The following ADGRG6 variants were observed in gnomAD, a reference collection of about 807,000 sequenced individuals.
ADGRG6 encodes the protein G-protein coupled receptor 126.
Under a neutral mutation model 142.4 loss-of-function variants are expected in ADGRG6, and 84 were observed. The observed-to-expected ratio is 0.59, with a 90% confidence interval of 0.49 to 0.71. The LOEUF is 0.71. Among genes scored for constraint, ADGRG6 ranks in the 30% least tolerant of loss-of-function variants. The pLI, the probability that ADGRG6 is intolerant of heterozygous loss-of-function variation, is 0.00. For missense variants in ADGRG6, 1,367 were observed against 1,466.6 expected (o/e 0.93, Z 1.11); for synonymous variants, 521 against 520.5 (o/e 1.00, Z -0.01).
At chr6:142,404,554 G>T (rs928127212) in intron 14 of ADGRG6, among the ~76,000 whole-genome samples, 2 of 152,070 alleles carry the variant, frequency 1.3e-5, no homozygotes, top group Non-Finnish European at 2.9e-5. Flanking sequence ...TGAGGCACGA[G>T]AATCACTTGA....
Position 142,370,241 on chromosome 6 carries a change from A to G in ADGRG6, c.517A>G (p.Lys173Glu), listed in dbSNP as rs759740851. 1 of 1,612,298 alleles carries G rather than the reference A, an allele frequency of 6.2e-7. No homozygotes were observed. Residue 173 changes from lysine (K) to glutamate (E), a missense_variant, in exon 4 of 25, where the codon AAA becomes GAA. Coordinates refer to ENST00000367609, the MANE Select transcript of ADGRG6 (RefSeq NM_198569.3). ...AGATGCTTACCAGGTATCTGTTGCA[A>G]AAAGCATCTCTATTCCAGAGCTCAG... Reference protein sequence around the residue: ...TSDAYQVSVAKSISIPELSAF... With the variant: ...TSDAYQVSVAESISIPELSAF...
chr6:142,367,643 G>A lies in ADGRG6; in HGVS notation c.178G>A (p.Asp60Asn), dbSNP rs138992283. ...CTTTACTTCTCCATGCTACCCTAAC[G>A]ACTACCCAAACAGCCAGGCTTGCAT... ...GTFTSPCYPN[D>N]YPNSQACMWT... The change falls in exon 3 of 25, where the codon GAC becomes AAC. Residue 60 changes from aspartate to asparagine, a missense_variant. Transcript: ENST00000367609. 1.5e-4 allele frequency: 242 copies of A among 1,613,598 alleles called. 5 individuals carry two copies. The South Asian group carries it at 2.5e-3, about 17-fold the overall frequency.
At chr6:142,418,758 G>A (rs1256612553) in intron 21 of ADGRG6, among the ~76,000 whole-genome samples, 3 of 152,042 alleles carry the variant, frequency 2.0e-5, no homozygotes, top group Admixed American at 6.6e-5. Context: ...GTTCCAACAT[G>A]GAAGATATGG....
chr6:142,335,480 G>T (rs1413578355), intron 2 of ADGRG6, among the ~76,000 whole-genome samples: 2 of 152,174 alleles, frequency 1.3e-5, no homozygotes, highest in Non-Finnish European at 2.9e-5. Context: ...CAGTTCCTGG[G>T]AGGACAGAGC....
intron 2 of ADGRG6, among the ~76,000 whole-genome samples, chr6:142,318,285 ATT>A (rs1778321718): frequency 1.3e-5 from 1 of 79,582 alleles, no homozygotes; most frequent in Admixed American, 2.2e-4. Context: ...TATTATATAT[ATT>A]TATATATTAT....
intron 9 of ADGRG6, among the ~76,000 whole-genome samples, chr6:142,395,749 A>G (rs914811286): frequency 6.6e-6 from 1 of 152,074 alleles, no homozygotes; most frequent in Admixed American, 6.6e-5. Flanking sequence ...TCTATTCTCT[A>G]TGGCTCTTAC....
chr6:142,372,627 G>A (rs986599177), intron 4 of ADGRG6, among the ~76,000 whole-genome samples: 15 of 152,194 alleles, frequency 9.9e-5, no homozygotes, highest in Admixed American at 3.3e-4. Flanking sequence ...GAACTGCAGA[G>A]CTTTATAAGA....
At chr6:142,309,047 G>A (rs976438350) in intron 1 of ADGRG6, among the ~76,000 whole-genome samples, 1 of 151,412 alleles carries the variant, frequency 6.6e-6, no homozygotes, top group Admixed American at 6.6e-5. Context: ...ATCACTTTAG[G>A]GGATAGAACA....
intron 2 of ADGRG6, among the ~76,000 whole-genome samples, chr6:142,320,450 A>T (rs112355176): frequency 6.6e-5 from 10 of 152,236 alleles, no homozygotes; most frequent in African/African-American, 2.4e-4. Context: ...TAGCACTGCT[A>T]ACTTGACTCT....
intron 4 of ADGRG6, 57 bp from the exon 5 acceptor site, chr6:142,381,894 T>A (rs1251976090): frequency 9.4e-7 from 1 of 1,066,136 alleles, no homozygotes; most frequent in Non-Finnish European, 1.4e-6. Flanking sequence ...ATGATTTTTC[T>A]GGATAATATC....
At chr6:142,315,416 A>G (rs1336354639) in intron 2 of ADGRG6, among the ~76,000 whole-genome samples, 3 of 152,020 alleles carry the variant, frequency 2.0e-5, no homozygotes, top group Non-Finnish European at 4.4e-5. Flanking sequence ...AATATATTCC[A>G]GATGTAATGA....
At chr6:142,331,398 T>C (rs962835268) in intron 2 of ADGRG6, among the ~76,000 whole-genome samples, 2 of 152,150 alleles carry the variant, frequency 1.3e-5, no homozygotes, top group African/African-American at 4.8e-5. Flanking sequence ...TGTGAGGCTT[T>C]CTGTGATCTC....
intron 17 of ADGRG6, 75 bp downstream of exon 17, chr6:142,409,994 C>T (rs974421935): frequency 2.3e-5 from 14 of 619,954 alleles, no homozygotes; most frequent in African/African-American, 5.6e-5. Context: ...CCCCCATTTC[C>T]TTTAATTCCA....
At chr6:142,302,601 G>T in intron 1 of ADGRG6, 1 of 455,346 alleles carries the variant, frequency 2.2e-6, no homozygotes. Flanking sequence ...AGCCTAATAA[G>T]AAGGGCAGGG....
intron 24 of ADGRG6, among the ~76,000 whole-genome samples, chr6:142,440,575 C>T (rs942353258): frequency 1.9e-4 from 29 of 152,226 alleles, no homozygotes; most frequent in African/African-American, 6.3e-4. Flanking sequence ...GGATTACAGA[C>T]GTGAGCCACC....
At chr6:142,400,427 A>T in intron 10 of ADGRG6, 58 bp from the exon 11 acceptor site, 1 of 834,922 alleles carries the variant, frequency 1.2e-6, no homozygotes, top group South Asian at 1.5e-5. Context: ...TGCATCTCTA[A>T]TCTCTAACTT....
chr6:142,330,843 A>C (rs1223985195), intron 2 of ADGRG6, among the ~76,000 whole-genome samples: 1 of 152,054 alleles, frequency 6.6e-6, no homozygotes, highest in Non-Finnish European at 1.5e-5. Flanking sequence ...TGAAAAATTG[A>C]TTTTCAATTT....
intron 2 of ADGRG6, among the ~76,000 whole-genome samples, chr6:142,328,502 G>A (rs545547791): frequency 5.3e-5 from 8 of 152,234 alleles, no homozygotes; most frequent in African/African-American, 1.9e-4. Flanking sequence ...GGGCTGACCT[G>A]CTTATCCTTT....
chr6:142,367,778 G>C lies in ADGRG6; in HGVS notation c.313G>C (p.Glu105Gln). The change falls in exon 3 of 25, where the codon GAG becomes CAG. Residue 105 changes from glutamate (E) to glutamine (Q), a missense_variant. Transcript: ENST00000367609. ...IYDSLSLDNG[E>Q]SQTKFCGATA... is the part of the protein sequence containing the mutation. ...TGACTCATTATCCCTTGATAATGGA[G>C]AGAGCCAGACTAAATTTTGTGGAGC... 3 of 1,613,586 alleles carry C rather than the reference G, an allele frequency of 1.9e-6. No individual in the cohort carries two copies. The highest frequency in any genetic ancestry group is 2.5e-6 in the Non-Finnish European group (3 of 1,179,502).
Sources: gnomAD v4.1 joint callset for allele counts (sites outside exome capture counted in the v4.1 genomes callset) on GRCh38, gnomAD v4.1.1 for gene constraint, MANE v1.5 for transcripts, NCBI Gene and HGNC (gene_info 2026-07-23, HGNC 2026-07-21) for gene names.